Variants in CSMD1 observed in about 807,000 individuals in gnomAD.
CSMD1 encodes the protein CUB and Sushi multiple domains 1.
A neutral mutation model predicts 417.5 loss-of-function variants in CSMD1; 213 were observed. The ratio of observed to expected loss-of-function variants is 0.51; its 90% confidence interval spans 0.46 to 0.57. CSMD1 has a LOEUF of 0.57. CSMD1 is among the 20% of genes least tolerant of loss of function. The probability of loss-of-function intolerance (pLI) is 0.00; values close to 1 mark genes in which losing one functional copy is unlikely to be tolerated. For synonymous variants in CSMD1, 2,862 were observed against 1,736.8 expected (o/e 1.65, Z -16.11); for missense variants, 6,923 against 4,529.7 (o/e 1.53, Z -15.17).
intron 7 of CSMD1, among the ~76,000 whole-genome samples, chr8:3,698,952 G>C (rs1585094802): frequency 6.6e-6 from 1 of 152,154 alleles, no homozygotes; most frequent in African/African-American, 2.4e-5. Flanking sequence ...TTCTAAGTCA[G>C]GCATCCAGGC....
chr8:3,910,828 C>T (rs1041239980), intron 5 of CSMD1, among the ~76,000 whole-genome samples: 2 of 152,122 alleles, frequency 1.3e-5, no homozygotes, highest in Non-Finnish European at 2.9e-5. Context: ...ATGCTACAGG[C>T]CAAATCTCTA....
intron 49 of CSMD1, among the ~76,000 whole-genome samples, chr8:3,086,331 G>T (rs956752187): frequency 6.6e-6 from 1 of 151,928 alleles, no homozygotes; most frequent in African/African-American, 2.4e-5. Context: ...AATAATACAG[G>T]CTGTCTGATC....
intron 2 of CSMD1, among the ~76,000 whole-genome samples, chr8:4,514,182 C>G (rs572230069): frequency 1.2e-4 from 19 of 152,218 alleles, no homozygotes; most frequent in South Asian, 2.1e-4. Flanking sequence ...AAAATGCCAC[C>G]TTCTTACCGT....
At chr8:4,591,898 G>A (rs532895096) in intron 2 of CSMD1, among the ~76,000 whole-genome samples, 1 of 152,078 alleles carries the variant, frequency 6.6e-6, no homozygotes, top group Non-Finnish European at 1.5e-5. Context: ...CTGAAAGTTG[G>A]GCAGACATTC....
chr8:4,769,797 C>G (rs2117139390), intron 1 of CSMD1, among the ~76,000 whole-genome samples: 1 of 152,222 alleles, frequency 6.6e-6, no homozygotes. Flanking sequence ...CCACGTTTAG[C>G]ATTTTCTACT....
chr8:4,980,160 A>G (rs1054428604), intron 1 of CSMD1, among the ~76,000 whole-genome samples: 2 of 152,256 alleles, frequency 1.3e-5, no homozygotes, highest in South Asian at 4.1e-4. Context: ...ACACGCACAC[A>G]CAGAGAGTTC....
rs539092232 is a variant in CSMD1 at position 4,077,833 on chromosome 8, A to G, written c.416-45734T>C. 1.5e-3 allele frequency among the ~76,000 whole-genome samples: 222 copies of G among 152,238 alleles called. 1 individual carries two copies. The highest frequency in any genetic ancestry group is 1.7e-3 in the Non-Finnish European group (117 of 68,010). ...TCCATGGGAATTTTCAGATACATAAACCAAATTGAGCCTAAATATGCCTCC... is the reference window on the plus strand; with the variant it reads ...TCCATGGGAATTTTCAGATACATAAGCCAAATTGAGCCTAAATATGCCTCC... On this transcript the variant is annotated intron_variant, in intron 3 of 69. Coordinates refer to ENST00000635120, the MANE Select transcript of CSMD1 (RefSeq NM_033225.6).
intron 26 of CSMD1, among the ~76,000 whole-genome samples, chr8:3,270,791 C>G (rs1056041889): frequency 6.6e-6 from 1 of 152,188 alleles, no homozygotes; most frequent in African/African-American, 2.4e-5. Flanking sequence ...CTGATAAAGA[C>G]ATACCCAAGA....
At chr8:4,962,012 C>G (rs1176160377) in intron 1 of CSMD1, among the ~76,000 whole-genome samples, 1 of 151,830 alleles carries the variant, frequency 6.6e-6, no homozygotes, top group Non-Finnish European at 1.5e-5. Context: ...TCTGTTATCT[C>G]TCTGAGATTA....
At chr8:3,025,816 T>A (rs1017478917) in intron 51 of CSMD1, among the ~76,000 whole-genome samples, 1 of 152,262 alleles carries the variant, frequency 6.6e-6, no homozygotes, top group Non-Finnish European at 1.5e-5. Context: ...AATGTGTTAC[T>A]TATGTGAGCA....
At chr8:3,958,779 A>G (rs1005492569) in intron 5 of CSMD1, among the ~76,000 whole-genome samples, 1 of 152,222 alleles carries the variant, frequency 6.6e-6, no homozygotes, top group Non-Finnish European at 1.5e-5. Flanking sequence ...CAGTTCAAAG[A>G]GGAACGACAT....
chr8:3,837,310 A>T (rs1486797047), intron 5 of CSMD1, among the ~76,000 whole-genome samples: 1 of 152,192 alleles, frequency 6.6e-6, no homozygotes, highest in Non-Finnish European at 1.5e-5. Context: ...AGAAAATTAG[A>T]TTGCAACTAG....
chr8:4,191,563 G>A (rs1054796848), intron 3 of CSMD1, among the ~76,000 whole-genome samples: 10 of 152,054 alleles, frequency 6.6e-5, no homozygotes, highest in African/African-American at 2.4e-4. Flanking sequence ...GAAAATGCTT[G>A]TACTTCATCC....
intron 1 of CSMD1, among the ~76,000 whole-genome samples, chr8:4,864,875 T>TACACACACACACAC (rs35135942): frequency 8.8e-5 from 13 of 146,980 alleles, no homozygotes; most frequent in South Asian, 8.6e-4. Flanking sequence ...TGGATTCTAC[T>TACACACACACACAC]ACACACACAC....
At chr8:4,450,494 G>A (rs541107580) in intron 2 of CSMD1, among the ~76,000 whole-genome samples, 126 of 152,182 alleles carry the variant, frequency 8.3e-4, no homozygotes, top group African/African-American at 2.8e-3. Context: ...AATTATCTGC[G>A]TGTGGTGGTG....
intron 5 of CSMD1, among the ~76,000 whole-genome samples, chr8:3,848,272 C>T (rs1004807140): frequency 1.2e-4 from 19 of 152,098 alleles, no homozygotes; most frequent in Non-Finnish European, 2.6e-4. Context: ...AAGTGTTCTG[C>T]CCAACAGGGG....
At chr8:3,078,988 C>A (rs1324305288) in intron 49 of CSMD1, among the ~76,000 whole-genome samples, 3 of 152,110 alleles carry the variant, frequency 2.0e-5, no homozygotes, top group Non-Finnish European at 2.9e-5. Flanking sequence ...CACCTTTATG[C>A]CCATTTGCAG....
At chr8:4,956,719 A>G (rs769190404) in intron 1 of CSMD1, among the ~76,000 whole-genome samples, 22 of 152,280 alleles carry the variant, frequency 1.4e-4, no homozygotes, top group Non-Finnish European at 1.6e-4. Flanking sequence ...ATGTTCCAAC[A>G]AAGACTATGT....
At chr8:4,339,854 T>C (rs557255240) in intron 3 of CSMD1, among the ~76,000 whole-genome samples, 2 of 152,036 alleles carry the variant, frequency 1.3e-5, no homozygotes, top group South Asian at 4.2e-4. Context: ...TAAGACCTCA[T>C]CTCTACAAAA....
Sources: allele counts gnomAD v4.1 joint callset (sites outside exome capture counted in the v4.1 genomes callset), GRCh38; gene constraint gnomAD v4.1.1; transcripts MANE v1.5; gene names NCBI Gene and HGNC (gene_info 2026-07-23, HGNC 2026-07-21).